Variants in UBXN8 observed in about 807,000 individuals in gnomAD.
UBXN8 encodes UBX domain-containing protein 8.
UBXN8 carries 27 observed loss-of-function variants against 32.1 expected under a neutral mutation model. The observed-to-expected ratio is 0.84, with a 90% CI of 0.62 to 1.16. UBXN8 has a LOEUF of 1.16. Ranked by LOEUF, UBXN8 falls within the 50% of genes most tolerant of loss-of-function variation. The probability of loss-of-function intolerance (pLI) is 0.00; values close to 1 mark genes in which losing one functional copy is unlikely to be tolerated. For missense variants in UBXN8, 306 were observed against 311.4 expected (o/e 0.98, Z 0.13); for synonymous variants, 109 against 111.8 (o/e 0.98, Z 0.16).
chr8:30,743,254 C>G (rs1409020669), upstream of UBXN8, among the ~76,000 whole-genome samples: 1 of 150,716 alleles, frequency 6.6e-6, no homozygotes, highest in Non-Finnish European at 1.5e-5. Context: ...CATGCGGGTT[C>G]AAGCAATTCT....
In UBXN8 at chr8:30,756,828, A is replaced by G; in HGVS notation, c.469A>G (p.Asn157Asp). Residue 157 changes from asparagine to aspartate, a missense_variant, in exon 5 of 8, where the codon AAC becomes GAC. Physicochemically the swap from Asn to Asp is conservative, Grantham distance 23. Transcript: ENST00000265616. ...AAACAGAGAAGCAGCAAAGAGCCAG[A>G]ACTTGCCTAAACCTTTAACTGAATT... is the stretch of plus-strand genomic sequence containing the variant. The part of the protein sequence containing the change: ...TSNREAAKSQ[N>D]LPKPLTEFPS... 1 of 1,614,046 alleles carries G rather than the reference A, an allele frequency of 6.2e-7. No homozygotes were observed. Among genetic ancestry groups the G allele is most frequent in the Non-Finnish European group, 8.5e-7 (1 of 1,179,900 alleles).
chr8:30,735,262 C>G (rs1268537922), intron 1 of UBXN8, among the ~76,000 whole-genome samples: 1 of 152,162 alleles, frequency 6.6e-6, no homozygotes, highest in African/African-American at 2.4e-5. Flanking sequence ...TGGTGAATGG[C>G]AGAGCAGGAA....
upstream of UBXN8, among the ~76,000 whole-genome samples, chr8:30,743,295 A>T (rs546938106): frequency 6.6e-6 from 1 of 152,002 alleles, no homozygotes; most frequent in African/African-American, 2.4e-5. Flanking sequence ...AGCTGGAATT[A>T]CAGGCGACCG....
intron 1 of UBXN8, among the ~76,000 whole-genome samples, chr8:30,735,346 C>G (rs537315992): frequency 6.6e-6 from 1 of 152,272 alleles, no homozygotes; most frequent in South Asian, 2.1e-4. Flanking sequence ...GTATGTCTTA[C>G]AGTGAAAATA....
chr8:30,758,546 G>A (rs1214242142), intron 5 of UBXN8, among the ~76,000 whole-genome samples: 2 of 152,198 alleles, frequency 1.3e-5, no homozygotes, highest in Non-Finnish European at 2.9e-5. Flanking sequence ...CCTGAAAATA[G>A]TTTCTAAGAT....
upstream of UBXN8, among the ~76,000 whole-genome samples, chr8:30,729,354 G>C (rs543191307): frequency 1.4e-4 from 22 of 152,336 alleles, no homozygotes; most frequent in East Asian, 4.2e-3. Flanking sequence ...TGGTAAGACT[G>C]GTCTTCGGAA....
chr8:30,766,010 C>CAA lies in UBXN8; in HGVS notation c.646-203_646-202dup, dbSNP rs35768128. Among the ~76,000 whole-genome samples, 271 of 133,638 alleles carry CAA rather than the reference C, an allele frequency of 2.0e-3. 2 individuals carry two copies. Among genetic ancestry groups the CAA allele is most frequent in the East Asian group, 4.0e-3 (18 of 4,492 alleles). 87.7% of individuals were successfully genotyped at this position (133,638 alleles called of 152,430 possible). A position where few individuals can be genotyped will look rare whatever the true frequency, so the allele number is the denominator to read the frequency against. On this transcript the variant is annotated intron_variant, in intron 7 of 7. Coordinates refer to ENST00000265616, the MANE Select transcript of UBXN8 (RefSeq NM_005671.4). ...GGGTGACAGAGCGAGACTCCCATCTCAAAAAAAAAAAAAAAGAATATTCCT... is the reference window on the plus strand; with the variant it reads ...GGGTGACAGAGCGAGACTCCCATCTCAAAAAAAAAAAAAAAAAGAATATTCCT...
chr8:30,743,722 T>G (rs1365047902), upstream of UBXN8, among the ~76,000 whole-genome samples: 1 of 152,204 alleles, frequency 6.6e-6, no homozygotes, highest in Non-Finnish European at 1.5e-5. Flanking sequence ...AACCAGAGAC[T>G]GCGGACGGGG....
intron 7 of UBXN8, among the ~76,000 whole-genome samples, chr8:30,763,860 G>A (rs933208843): frequency 4.6e-5 from 7 of 152,012 alleles, no homozygotes; most frequent in African/African-American, 1.2e-4. Flanking sequence ...GCATGGTGGC[G>A]GATGCCTGTA....
rs560424229 is a variant in UBXN8 at position 30,751,043 on chromosome 8, C to G, written c.89-353C>G. Among the ~76,000 whole-genome samples, 4 of 152,230 alleles carry G rather than the reference C, an allele frequency of 2.6e-5. No homozygotes were observed. In the East Asian group the frequency reaches 5.8e-4, roughly 22 times the overall value. On this transcript the variant is annotated intron_variant, in intron 1 of 7. Transcript: ENST00000265616. ...ATGCAAACACTGTGCCATTTTATAT[C>G]AGGGACTTGAGCATCCGTGGATTTT...
chr8:30,742,183 ATTATT>A (rs1805220514), upstream of UBXN8, among the ~76,000 whole-genome samples: 1 of 152,268 alleles, frequency 6.6e-6, no homozygotes, highest in African/African-American at 2.4e-5. Context: ...AATATAATTA[ATTATT>A]TTATGGTATG....
chr8:30,754,820 C>A (rs374209925), intron 4 of UBXN8, 33 bp downstream of exon 4: 4 of 1,545,160 alleles, frequency 2.6e-6, no homozygotes, highest in South Asian at 1.3e-5. Context: ...TATTTTGAAT[C>A]CTCTTACTAT....
At chr8:30,745,952 T>C (rs1156546703) in intron 1 of UBXN8, among the ~76,000 whole-genome samples, 3 of 152,208 alleles carry the variant, frequency 2.0e-5, no homozygotes, top group Non-Finnish European at 4.4e-5. Context: ...GGTTTTGCCA[T>C]GTTGCCCAGG....
intron 6 of UBXN8, among the ~76,000 whole-genome samples, chr8:30,762,382 T>TTTTTTG (rs56767172): frequency 2.7e-5 from 4 of 147,340 alleles, no homozygotes; most frequent in African/African-American, 1.0e-4. Flanking sequence ...GATGGGAAAG[T>TTTTTTG]TTTTTGTTTT....
At chr8:30,731,964 T>C (rs998017952), upstream of UBXN8, among the ~76,000 whole-genome samples, 3 of 152,204 alleles carry the variant, frequency 2.0e-5, no homozygotes, top group Non-Finnish European at 4.4e-5. Context: ...CAACAGTACC[T>C]AACCCGTACA....
At chr8:30,744,366 C>T in intron 1 of UBXN8, 89 bp downstream of exon 1, 2 of 1,319,074 alleles carry the variant, frequency 1.5e-6, no homozygotes, top group East Asian at 2.5e-5. Flanking sequence ...GGCTGCGTGG[C>T]TTCGGAGCAG....
intron 7 of UBXN8, among the ~76,000 whole-genome samples, chr8:30,765,016 C>T (rs1805961603): frequency 6.6e-6 from 1 of 152,190 alleles, no homozygotes; most frequent in African/African-American, 2.4e-5. Flanking sequence ...TGCCACTGCA[C>T]TCCAGTCTGG....
At chr8:30,730,089 A>G (rs1189446270), upstream of UBXN8, among the ~76,000 whole-genome samples, 1 of 152,198 alleles carries the variant, frequency 6.6e-6, no homozygotes, top group Admixed American at 6.5e-5. Context: ...TTTTGAGTCC[A>G]CAGTGCTTGT....
At chr8:30,765,913 G>A (rs1240424456) in intron 7 of UBXN8, among the ~76,000 whole-genome samples, 1 of 151,630 alleles carries the variant, frequency 6.6e-6, no homozygotes, top group Non-Finnish European at 1.5e-5. Context: ...TGAAGGCTGA[G>A]GCAGGAGAAT....
Sources: gnomAD v4.1 joint callset for allele counts (sites outside exome capture counted in the v4.1 genomes callset) on GRCh38, gnomAD v4.1.1 for gene constraint, MANE v1.5 for transcripts, NCBI Gene and HGNC (gene_info 2026-07-23, HGNC 2026-07-21) for gene names.